The following LRRC53 variants were observed in gnomAD, a reference collection of about 807,000 sequenced individuals.
LRRC53 encodes leucine rich repeat containing 53.
LRRC53 carries 25 observed loss-of-function variants against 13.6 expected under a neutral mutation model. The ratio of observed to expected loss-of-function variants is 1.83; its 90% CI spans 1.34 to 2.56. The LOEUF (loss-of-function observed/expected upper bound fraction) is 2.56. Ranked by LOEUF, LRRC53 falls within the 30% of genes most tolerant of loss-of-function variation. LRRC53 has a pLI of 0.00. For synonymous variants in LRRC53, 204 were observed against 109.8 expected (o/e 1.86, Z -5.37); for missense variants, 527 against 275.8 (o/e 1.91, Z -6.45).
At chr1:74,501,199 T>C (rs1445356003) in intron 1 of LRRC53, among the ~76,000 whole-genome samples, 1 of 152,216 alleles carries the variant, frequency 6.6e-6, no homozygotes, top group Non-Finnish European at 1.5e-5. Flanking sequence ...TTCTGGGTAA[T>C]TTTTTCAGAT....
chr1:74,500,838 G>A (rs558286924), intron 1 of LRRC53, among the ~76,000 whole-genome samples: 26 of 151,776 alleles, frequency 1.7e-4, no homozygotes, highest in Middle Eastern at 3.4e-3. Flanking sequence ...TTTCATCTAT[G>A]AATCTAATTG....
At chr1:74,494,252 A>T (rs1462542150) in intron 1 of LRRC53, among the ~76,000 whole-genome samples, 2 of 152,220 alleles carry the variant, frequency 1.3e-5, no homozygotes, top group African/African-American at 2.4e-5. Flanking sequence ...GGAAAAGATT[A>T]TCTGGAGTTA....
intron 4 of LRRC53, among the ~76,000 whole-genome samples, chr1:74,474,823 G>A (rs1348299893): frequency 2.0e-5 from 3 of 151,956 alleles, no homozygotes; most frequent in East Asian, 3.9e-4. Context: ...AGCAAAGTAC[G>A]TTTCTTGACA....
intron 1 of LRRC53, among the ~76,000 whole-genome samples, chr1:74,494,654 A>G (rs1266816458): frequency 6.6e-6 from 1 of 152,176 alleles, no homozygotes; most frequent in Non-Finnish European, 1.5e-5. Flanking sequence ...TGTCCACTTG[A>G]GACAGAGGTT....
At chr1:74,497,008 G>A (rs1463515939) in intron 1 of LRRC53, among the ~76,000 whole-genome samples, 3 of 152,204 alleles carry the variant, frequency 2.0e-5, no homozygotes, top group Non-Finnish European at 2.9e-5. Flanking sequence ...GTTTGGAACT[G>A]TAAAACAGAT....
intron 1 of LRRC53, among the ~76,000 whole-genome samples, chr1:74,503,776 T>A (rs1227645493): frequency 6.6e-6 from 1 of 152,218 alleles, no homozygotes; most frequent in African/African-American, 2.4e-5. Flanking sequence ...AGCTCATAAC[T>A]TCTTGAAATG....
At position 74,471,741 on chromosome 1, in the gene LRRC53, T is replaced by G; in HGVS notation, c.1881A>C (p.Thr627=). The G allele has an allele frequency of 2.5e-6, 1 of 403,250 alleles. No individual in the cohort carries two copies. Among genetic ancestry groups the G allele is most frequent in the East Asian group, 3.6e-5 (1 of 28,144 alleles). The allele number at this position is 403,250 out of a possible 1,614,324, so 25.0% of individuals were successfully genotyped here. ...TTGGGGAATATGCTTTCTTGGTTTT[T>G]GTTGATAATCCTGATAAATCTATGT... ...EDNIDLSGLS[T]KTKKAYSPKR... The change falls in exon 5 of 5, where the codon ACA becomes ACC. Residue 627 remains threonine (T), a synonymous_variant. Coordinates refer to ENST00000294635, the MANE Select transcript of LRRC53 (RefSeq NM_001382280.1).
chr1:74,473,465 G>T (rs1187203351), intron 4 of LRRC53, among the ~76,000 whole-genome samples: 20 of 151,878 alleles, frequency 1.3e-4, no homozygotes, highest in Admixed American at 1.3e-3. Context: ...GAGAAAAAAG[G>T]AAATCTTAAC....
At chr1:74,498,392 C>T (rs746852459) in intron 1 of LRRC53, among the ~76,000 whole-genome samples, 55 of 152,266 alleles carry the variant, frequency 3.6e-4, no homozygotes, top group Middle Eastern at 3.4e-3. Context: ...CTCTGTGCCA[C>T]GTTATAATTC....
chr1:74,470,236 G>C lies in LRRC53; in HGVS notation c.3386C>G (p.Ala1129Gly), dbSNP rs1185247582. The change falls in exon 5 of 5, where the codon GCA becomes GGA. Residue 1129 changes from alanine (A) to glycine (G), a missense_variant. By Grantham distance (60) the Ala-to-Gly change is moderately conservative. Transcript: ENST00000294635. The stretch of plus-strand genomic sequence containing the variant: ...TGTAATGGTCTCCTCGGCAGAGCTT[G>C]CATCATGTAATATATATTTTTCACT... ...GTSEKYILHDASSAEETITAK... is the reference protein window; with the variant it reads ...GTSEKYILHDGSSAEETITAK... 8 of 400,546 alleles carry C rather than the reference G, an allele frequency of 2.0e-5. No individual in the cohort carries two copies. The highest frequency in any genetic ancestry group is 1.4e-4 in the African/African-American group (7 of 48,678). 24.8% of individuals were successfully genotyped at this position (400,546 alleles called of 1,614,324 possible).
At chr1:74,473,505 A>C (rs1055813931) in intron 4 of LRRC53, among the ~76,000 whole-genome samples, 2 of 151,598 alleles carry the variant, frequency 1.3e-5, no homozygotes, top group African/African-American at 4.9e-5. Flanking sequence ...AAAAAATCCT[A>C]ACAGCACTAT....
At chr1:74,488,717 G>A (rs969459377) in intron 1 of LRRC53, among the ~76,000 whole-genome samples, 1 of 152,090 alleles carries the variant, frequency 6.6e-6, no homozygotes, top group African/African-American at 2.4e-5. Context: ...CTAAAGTAAG[G>A]CATAGTCCTG....
chr1:74,516,544 G>T (rs11210474), upstream of LRRC53, among the ~76,000 whole-genome samples: 5 of 152,078 alleles, frequency 3.3e-5, no homozygotes, highest in Admixed American at 2.0e-4. Context: ...CCTATATGAG[G>T]CAGGGAGCAA....
At position 74,469,863 on chromosome 1, in the gene LRRC53, G is replaced by T. The variant is rs1667839077; in HGVS notation, c.*15C>A. ...AAAGTAGAAAAGGATTATTATTTGA[G>T]TTATTTTGTTCACTTTATTCTGTTT... On this transcript the variant is annotated 3_prime_UTR_variant, in exon 5 of 5. Coordinates refer to ENST00000294635, the MANE Select transcript of LRRC53 (RefSeq NM_001382280.1). 2.5e-6 allele frequency: 1 copy of T among 400,364 alleles called. No individual in the cohort carries two copies. Among genetic ancestry groups the T allele is most frequent in the East Asian group, 3.6e-5 (1 of 28,068 alleles). 24.8% of individuals were successfully genotyped at this position (400,364 alleles called of 1,614,324 possible).
chr1:74,473,529 G>T (rs1445459357), intron 4 of LRRC53, among the ~76,000 whole-genome samples: 1 of 109,640 alleles, frequency 9.1e-6, no homozygotes, highest in Non-Finnish European at 1.9e-5. Context: ...TATTTAAAAG[G>T]CTATTTTTTT....
At chr1:74,505,529 A>T (rs570443818) in intron 1 of LRRC53, among the ~76,000 whole-genome samples, 53 of 152,316 alleles carry the variant, frequency 3.5e-4, no homozygotes, top group African/African-American at 9.4e-4. Context: ...TGAACAGTTT[A>T]ACAGGTTTAA....
At chr1:74,525,899 G>T in the LRRC53 span, among the ~76,000 whole-genome samples, 1 of 152,154 alleles carries the variant, frequency 6.6e-6, no homozygotes, top group Admixed American at 6.5e-5. Context: ...AAGAGAAGAG[G>T]TTTTCAATGA....
chr1:74,502,870 A>G (rs1013557200), intron 1 of LRRC53, among the ~76,000 whole-genome samples: 2 of 151,256 alleles, frequency 1.3e-5, no homozygotes, highest in African/African-American at 4.9e-5. Flanking sequence ...TCTTCAAAAC[A>G]GCCTCTCCCA....
chr1:74,490,050 T>TA (rs36063099), intron 1 of LRRC53, among the ~76,000 whole-genome samples: 1,619 of 42,784 alleles, frequency 0.038, 53 homozygotes, highest in Middle Eastern at 0.056. Context: ...TTTTTTTTTC[T>TA]AAAAAAAAAA....
Sources: allele counts gnomAD v4.1 joint callset (sites outside exome capture counted in the v4.1 genomes callset), GRCh38; gene constraint gnomAD v4.1.1; transcripts MANE v1.5; gene names NCBI Gene and HGNC (gene_info 2026-07-23, HGNC 2026-07-21).